The following SPMIP2 variants were observed in gnomAD, a reference collection of about 807,000 sequenced individuals.
SPMIP2 encodes protein SPMIP2.
chr4:158,978,768 T>C, the SPMIP2 span, among the ~76,000 whole-genome samples: 186 of 152,284 alleles, frequency 1.2e-3, no homozygotes, highest in African/African-American at 4.3e-3. Flanking sequence ...TCCACTTACT[T>C]TGTAAATATT....
the SPMIP2 span, among the ~76,000 whole-genome samples, chr4:158,911,993 C>T: frequency 6.6e-6 from 1 of 151,100 alleles, no homozygotes; most frequent in Non-Finnish European, 1.5e-5. Context: ...TACCAGAAAT[C>T]CAGAAGGGGA....
the SPMIP2 span, chr4:158,904,383 T>C: frequency 3.2e-6 from 4 of 1,252,134 alleles, no homozygotes; most frequent in Non-Finnish European, 4.6e-6. Context: ...CTAGAAATAA[T>C]ACTTTCTCAT....
the SPMIP2 span, among the ~76,000 whole-genome samples, chr4:159,066,999 G>C: frequency 2.6e-5 from 4 of 152,144 alleles, no homozygotes; most frequent in African/African-American, 9.7e-5. Context: ...CCAGGAACCT[G>C]TAAGTCAAAA....
chr4:158,984,960 G>A, the SPMIP2 span, among the ~76,000 whole-genome samples: 105 of 152,096 alleles, frequency 6.9e-4, 1 homozygote, highest in Middle Eastern at 3.4e-3. Flanking sequence ...TATCACCACC[G>A]ATCCCATAGA....
At chr4:158,919,322 T>G in the SPMIP2 span, among the ~76,000 whole-genome samples, 1 of 152,242 alleles carries the variant, frequency 6.6e-6, no homozygotes, top group Non-Finnish European at 1.5e-5. Flanking sequence ...CAGTTCAGAA[T>G]CACGTGTTAC....
chr4:159,074,423 T>C, the SPMIP2 span, among the ~76,000 whole-genome samples: 1 of 152,094 alleles, frequency 6.6e-6, no homozygotes, highest in Non-Finnish European at 1.5e-5. Flanking sequence ...TTCCATTCTA[T>C]AGAAGGCTCT....
the SPMIP2 span, among the ~76,000 whole-genome samples, chr4:159,020,885 C>G: frequency 6.6e-6 from 1 of 152,090 alleles, no homozygotes; most frequent in Non-Finnish European, 1.5e-5. Flanking sequence ...CCTCAGCCTC[C>G]CGAGTAGCTG....
chr4:158,900,520 C>G, the SPMIP2 span, among the ~76,000 whole-genome samples: 1 of 152,210 alleles, frequency 6.6e-6, no homozygotes, highest in African/African-American at 2.4e-5. Flanking sequence ...CTGGGTCCTT[C>G]TGTATTGGTT....
the SPMIP2 span, among the ~76,000 whole-genome samples, chr4:159,055,488 G>A: frequency 6.6e-6 from 1 of 152,100 alleles, no homozygotes; most frequent in Non-Finnish European, 1.5e-5. Flanking sequence ...CAGGCAGATT[G>A]CTTGAGTTCA....
chr4:159,028,452 T>G, the SPMIP2 span, among the ~76,000 whole-genome samples: 1 of 152,138 alleles, frequency 6.6e-6, no homozygotes, highest in African/African-American at 2.4e-5. Flanking sequence ...GGCTTAGCCT[T>G]CTAAGTAGCT....
the SPMIP2 span, among the ~76,000 whole-genome samples, chr4:158,961,411 TA>T: frequency 6.6e-6 from 1 of 152,110 alleles, no homozygotes; most frequent in East Asian, 1.9e-4. Flanking sequence ...TGTTCACACA[TA>T]AATTGAACAA....
At chr4:159,025,229 A>G in the SPMIP2 span, among the ~76,000 whole-genome samples, 1 of 152,178 alleles carries the variant, frequency 6.6e-6, no homozygotes, top group African/African-American at 2.4e-5. Flanking sequence ...CAGTGGCATG[A>G]TCTTGGCTCA....
chr4:158,899,555 G>T, the SPMIP2 span, among the ~76,000 whole-genome samples: 1 of 152,116 alleles, frequency 6.6e-6, no homozygotes, highest in African/African-American at 2.4e-5. Context: ...TCAGGGATTT[G>T]ACTTCTTCCT....
the SPMIP2 span, among the ~76,000 whole-genome samples, chr4:159,044,751 G>A: frequency 3.3e-5 from 5 of 152,182 alleles, no homozygotes; most frequent in African/African-American, 7.2e-5. Flanking sequence ...TCAAGGTGAC[G>A]AATGGGACAA....
At chr4:159,037,781 TATATACACACACAC>T in the SPMIP2 span, among the ~76,000 whole-genome samples, 36 of 118,008 alleles carry the variant, frequency 3.1e-4, no homozygotes, top group African/African-American at 1.2e-3. Context: ...TCAAAAACAA[TATATACACACACAC>T]ACACACACAC....
the SPMIP2 span, chr4:158,906,027 C>T: frequency 6.6e-6 from 1 of 152,154 alleles, no homozygotes; most frequent in South Asian, 2.1e-4. Context: ...GAACTGCTAC[C>T]TTTCCCTTTT....
At chr4:159,014,138 A>G in the SPMIP2 span, among the ~76,000 whole-genome samples, 1 of 152,234 alleles carries the variant, frequency 6.6e-6, no homozygotes, top group East Asian at 1.9e-4. Flanking sequence ...AAGCACTCCA[A>G]CATTAAACCA....
the SPMIP2 span, among the ~76,000 whole-genome samples, chr4:159,075,873 T>C: frequency 2.0e-5 from 3 of 151,996 alleles, no homozygotes; most frequent in African/African-American, 4.8e-5. Context: ...TCCATGAGCG[T>C]TGGATAATGC....
At chr4:159,041,252 G>C in the SPMIP2 span, among the ~76,000 whole-genome samples, 2 of 152,128 alleles carry the variant, frequency 1.3e-5, no homozygotes, top group African/African-American at 4.8e-5. Context: ...CCCAGTTGTA[G>C]TTAACTTAAT....
Sources: allele counts gnomAD v4.1 joint callset (sites outside exome capture counted in the v4.1 genomes callset), GRCh38; gene constraint gnomAD v4.1.1; transcripts MANE v1.5; gene names NCBI Gene and HGNC (gene_info 2026-07-23, HGNC 2026-07-21).